The following PRKD1 variants were observed in gnomAD, a reference collection of about 807,000 sequenced individuals.
The protein encoded by PRKD1 is serine/threonine-protein kinase D1.
In PRKD1, 63 loss-of-function variants were observed where a neutral mutation model predicts 95.9. The observed-to-expected ratio is 0.66, with a 90% CI of 0.54 to 0.81. The LOEUF (loss-of-function observed/expected upper bound fraction) is 0.81, where lower values mean the gene tolerates loss of function less well. PRKD1 is among the 30% of genes least tolerant of loss of function. PRKD1 has a pLI of 0.00. For missense variants in PRKD1, 1,048 were observed against 1,165.3 expected, an observed-to-expected ratio of 0.90 and a Z score of 1.47; for synonymous variants, 425 against 423.1, an observed-to-expected ratio of 1.00 and a Z score of -0.05.
intron 1 of PRKD1, among the ~76,000 whole-genome samples, chr14:29,914,458 T>A (rs976711589): frequency 6.6e-6 from 1 of 152,158 alleles, no homozygotes; most frequent in Non-Finnish European, 1.5e-5. Flanking sequence ...AAATACTACT[T>A]CTAAAAGGAA....
At chr14:29,730,715 C>T (rs371615805) in intron 1 of PRKD1, among the ~76,000 whole-genome samples, 1 of 152,102 alleles carries the variant, frequency 6.6e-6, no homozygotes, top group East Asian at 1.9e-4. Context: ...TATTAACATT[C>T]CGGACATGAT....
intron 1 of PRKD1, among the ~76,000 whole-genome samples, chr14:29,847,884 C>G (rs553955204): frequency 6.6e-6 from 1 of 152,170 alleles, no homozygotes; most frequent in Non-Finnish European, 1.5e-5. Context: ...CTCTCCCCCC[C>G]CACCAACCTT....
intron 2 of PRKD1, among the ~76,000 whole-genome samples, chr14:29,710,389 T>A (rs1456111000): frequency 6.6e-6 from 1 of 152,168 alleles, no homozygotes; most frequent in Non-Finnish European, 1.5e-5. Context: ...TGTGACGTGA[T>A]AAGAAAGCTA....
chr14:29,739,879 A>G (rs987099241), intron 1 of PRKD1, among the ~76,000 whole-genome samples: 7 of 152,202 alleles, frequency 4.6e-5, no homozygotes, highest in Non-Finnish European at 1.0e-4. Context: ...GATAAAAGCA[A>G]TAAGATATGA....
At chr14:29,725,285 G>C (rs920133667) in intron 2 of PRKD1, among the ~76,000 whole-genome samples, 7 of 152,108 alleles carry the variant, frequency 4.6e-5, no homozygotes, top group African/African-American at 1.7e-4. Context: ...TCTGTATGTT[G>C]CTAGAGGCTG....
chr14:29,923,810 G>GA (rs768450153), intron 1 of PRKD1, among the ~76,000 whole-genome samples: 8,158 of 99,924 alleles, frequency 0.082, 905 homozygotes, highest in African/African-American at 0.25. Context: ...CTCATTTGAG[G>GA]AAAAAAAAAA....
At chr14:29,791,111 A>G (rs1362244581) in intron 1 of PRKD1, among the ~76,000 whole-genome samples, 1 of 152,240 alleles carries the variant, frequency 6.6e-6, no homozygotes, top group Non-Finnish European at 1.5e-5. Context: ...ACCAGTGTAT[A>G]AACCAATCTT....
intron 1 of PRKD1, among the ~76,000 whole-genome samples, chr14:29,894,536 T>A (rs1894052235): frequency 6.6e-6 from 1 of 152,194 alleles, no homozygotes; most frequent in Non-Finnish European, 1.5e-5. Flanking sequence ...CAGCATGATT[T>A]AATGAGACCT....
In PRKD1 at chr14:29,597,803, T is replaced by C. The variant is rs762930710; in HGVS notation, c.2167-45A>G. ...CAGAAATACTCCGTTCACAATTGTG[T>C]GTCTGTGTGTCTTAGTTCAGATTCA... On this transcript the variant is annotated intron_variant, in intron 15 of 17. Transcript: ENST00000331968. The C allele has an allele frequency of 3.2e-6, 5 of 1,550,870 alleles. No individual in the cohort carries two copies. In the East Asian group the frequency reaches 6.8e-5, roughly 21 times the overall value.
At position 29,636,604 on chromosome 14, in the gene PRKD1, T is replaced by C. The variant is rs1295273061; in HGVS notation, c.986-110A>G. ...TCAATTGGAAGCCCCAAAGAGGTAG[T>C]TCTGTGATGAGTTTATTTTTTATTT... is the stretch of plus-strand genomic sequence containing the variant. On this transcript the variant is annotated intron_variant, in intron 6 of 17. Coordinates refer to ENST00000331968, the MANE Select transcript of PRKD1 (RefSeq NM_002742.3). The C allele has an allele frequency of 1.2e-5, 12 of 1,042,856 alleles. No homozygotes were observed. The Admixed American group carries it at 1.8e-4, about 15-fold the overall frequency. 64.6% of individuals were successfully genotyped at this position (1,042,856 alleles called of 1,614,324 possible).
intron 1 of PRKD1, among the ~76,000 whole-genome samples, chr14:29,853,520 A>G (rs183341849): frequency 1.3e-5 from 2 of 152,326 alleles, no homozygotes; most frequent in Admixed American, 6.5e-5. Context: ...AACTTATCAA[A>G]GCTTATATTT....
chr14:29,610,027 A>T (rs1251447868), intron 13 of PRKD1, among the ~76,000 whole-genome samples: 1 of 152,202 alleles, frequency 6.6e-6, no homozygotes, highest in Non-Finnish European at 1.5e-5. Context: ...CTAAATGTAG[A>T]GGGGTGAGAG....
chr14:29,725,668 C>G lies in PRKD1; in HGVS notation c.271G>C (p.Glu91Gln). The G allele has an allele frequency of 1.2e-6, 2 of 1,613,184 alleles. No homozygotes were observed. The highest frequency in any genetic ancestry group is 1.7e-6 in the Non-Finnish European group (2 of 1,179,468). The change falls in exon 2 of 18, where the codon GAA (glutamate) becomes CAA (glutamine). Residue 91 changes from glutamate to glutamine, a missense_variant. By Grantham distance (29) the Glu-to-Gln change is conservative. Coordinates refer to ENST00000331968, the MANE Select transcript of PRKD1 (RefSeq NM_002742.3). ...ACSIVDQKFP[E>Q]CGFYGMYDKI... ...TCATACATTCCGTAGAAACCACATT[C>G]AGGGAACTGCAAATACAAATACCAT...
intron 2 of PRKD1, among the ~76,000 whole-genome samples, chr14:29,720,336 G>C (rs1885824710): frequency 6.6e-6 from 1 of 152,110 alleles, no homozygotes; most frequent in South Asian, 2.1e-4. Context: ...TATGAACTCA[G>C]ATTTTCTGGC....
At chr14:29,847,985 T>A (rs1892150928) in intron 1 of PRKD1, among the ~76,000 whole-genome samples, 1 of 152,010 alleles carries the variant, frequency 6.6e-6, no homozygotes, top group Non-Finnish European at 1.5e-5. Flanking sequence ...GCAGAATAGG[T>A]CTTACATAAT....
At chr14:29,581,152 C>T (rs1485347973) in intron 16 of PRKD1, among the ~76,000 whole-genome samples, 1 of 151,992 alleles carries the variant, frequency 6.6e-6, no homozygotes, top group Non-Finnish European at 1.5e-5. Context: ...TCTTTGGAGA[C>T]AGTGATTCAT....
chr14:29,802,446 T>C (rs1395318877), intron 1 of PRKD1, among the ~76,000 whole-genome samples: 4 of 152,234 alleles, frequency 2.6e-5, no homozygotes, highest in Admixed American at 2.6e-4. Flanking sequence ...CCAAAGATTT[T>C]TGCACCACAG....
At chr14:29,698,925 G>A (rs1437660032) in intron 2 of PRKD1, among the ~76,000 whole-genome samples, 2 of 152,080 alleles carry the variant, frequency 1.3e-5, no homozygotes, top group East Asian at 3.9e-4. Flanking sequence ...ACAGATTCGC[G>A]TGGTTAAGTA....
intron 1 of PRKD1, among the ~76,000 whole-genome samples, chr14:29,792,185 T>C (rs1178181216): frequency 6.6e-6 from 1 of 152,088 alleles, no homozygotes; most frequent in Non-Finnish European, 1.5e-5. Context: ...TGTTCTAATA[T>C]AAAAATATGA....
Sources: allele counts gnomAD v4.1 joint callset (sites outside exome capture counted in the v4.1 genomes callset), GRCh38; gene constraint gnomAD v4.1.1; transcripts MANE v1.5; gene names NCBI Gene and HGNC (gene_info 2026-07-23, HGNC 2026-07-21).